The following CSMD1 variants were observed in gnomAD, a reference collection of about 807,000 sequenced individuals.
CSMD1 encodes the protein CUB and sushi domain-containing protein 1.
A neutral mutation model predicts 417.5 loss-of-function variants in CSMD1; 213 were observed. That is an observed-to-expected ratio of 0.51 (90% confidence interval 0.46 to 0.57). CSMD1 has a LOEUF of 0.57. Among genes scored for constraint, CSMD1 ranks in the 20% least tolerant of loss-of-function variants. CSMD1 has a pLI of 0.00. For missense variants in CSMD1, 6,923 were observed against 4,529.7 expected, an observed-to-expected ratio of 1.53 and a Z score of -15.17; for synonymous variants, 2,862 against 1,736.8, an observed-to-expected ratio of 1.65 and a Z score of -16.11.
rs368786498 is a variant in CSMD1 at position 4,201,209 on chromosome 8, G to A, written c.416-169110C>T. Among the ~76,000 whole-genome samples, 55 of 152,216 alleles carry A rather than the reference G, an allele frequency of 3.6e-4. 1 individual carries two copies. In the South Asian group the frequency reaches 0.011, roughly 32 times the overall value. On this transcript the variant is annotated intron_variant, in intron 3 of 69. Coordinates refer to ENST00000635120, the MANE Select transcript of CSMD1 (RefSeq NM_033225.6). ...ATGCAGAGGAGGTGATCCAATACAT[G>A]GCACAAAGAAAATACTGGTGAGTAT...
At chr8:3,775,479 G>C (rs7829156) in intron 5 of CSMD1, among the ~76,000 whole-genome samples, 4 of 152,244 alleles carry the variant, frequency 2.6e-5, no homozygotes, top group African/African-American at 7.2e-5. Context: ...CTCATGAAAA[G>C]GACACGGGGT....
chr8:3,270,340 G>T (rs1251521071), intron 26 of CSMD1, among the ~76,000 whole-genome samples: 1 of 152,130 alleles, frequency 6.6e-6, no homozygotes, highest in African/African-American at 2.4e-5. Context: ...ACAGGCATGA[G>T]CCACTGCACC....
chr8:3,257,036 T>C (rs1800703106), intron 26 of CSMD1, among the ~76,000 whole-genome samples: 1 of 152,228 alleles, frequency 6.6e-6, no homozygotes, highest in Non-Finnish European at 1.5e-5. Context: ...GAAATACTTC[T>C]GAGGGCCAGG....
At chr8:3,971,743 T>C (rs28671018) in intron 5 of CSMD1, among the ~76,000 whole-genome samples, 1 of 152,170 alleles carries the variant, frequency 6.6e-6, no homozygotes, top group East Asian at 1.9e-4. Flanking sequence ...CCAAGGCCGA[T>C]GCATTTTCTT....
chr8:4,958,294 AT>A (rs564182775), intron 1 of CSMD1, among the ~76,000 whole-genome samples: 91 of 151,816 alleles, frequency 6.0e-4, no homozygotes, highest in African/African-American at 1.8e-3. Flanking sequence ...TGACACATCA[AT>A]TTTTTTTTAA....
chr8:2,952,853 T>G (rs768003179), intron 65 of CSMD1, among the ~76,000 whole-genome samples: 4 of 152,152 alleles, frequency 2.6e-5, no homozygotes, highest in African/African-American at 4.8e-5. Flanking sequence ...TGTATTAAAA[T>G]AGGACCACGA....
intron 1 of CSMD1, among the ~76,000 whole-genome samples, chr8:4,936,610 T>C (rs1439714486): frequency 6.6e-6 from 1 of 152,192 alleles, no homozygotes; most frequent in African/African-American, 2.4e-5. Flanking sequence ...GATATATTTG[T>C]CAACACTAAA....
rs1798441192 is a variant in CSMD1 at position 4,441,059 on chromosome 8, AC to A, written c.303-20995del. ...CATCTATTATCATTTTAAAATATAAACTTTTTTCCTAATAATTTGACTCGTT... is the reference window on the plus strand; with the variant it reads ...CATCTATTATCATTTTAAAATATAAATTTTTTCCTAATAATTTGACTCGTT... On this transcript the variant is annotated intron_variant, in intron 2 of 69. Transcript: ENST00000635120. Among the ~76,000 whole-genome samples the A allele has an allele frequency of 5.7e-5, 8 of 139,314 alleles. No individual in the cohort carries two copies. The South Asian group carries it at 1.8e-3, about 32-fold the overall frequency. The allele number at this position is 139,314 out of a possible 152,430, so 91.4% of individuals were successfully genotyped here. A position where few individuals can be genotyped will look rare whatever the true frequency, so the allele number is the denominator to read the frequency against.
At chr8:4,721,284 G>C (rs1040770545) in intron 1 of CSMD1, among the ~76,000 whole-genome samples, 1 of 152,118 alleles carries the variant, frequency 6.6e-6, no homozygotes, top group Admixed American at 6.6e-5. Flanking sequence ...CATATAGAAA[G>C]AAGAAATAAA....
intron 37 of CSMD1, among the ~76,000 whole-genome samples, chr8:3,171,565 T>C (rs895291218): frequency 6.6e-6 from 1 of 152,174 alleles, no homozygotes; most frequent in African/African-American, 2.4e-5. Context: ...TATTCCCTAG[T>C]TACTTACCAT....
chr8:3,566,241 G>C (rs1234468996), intron 10 of CSMD1, among the ~76,000 whole-genome samples: 1 of 152,170 alleles, frequency 6.6e-6, no homozygotes, highest in Non-Finnish European at 1.5e-5. Flanking sequence ...TGAGAAAAAG[G>C]AGGATGAGGA....
chr8:3,345,841 G>A (rs952430651), intron 22 of CSMD1, among the ~76,000 whole-genome samples: 1 of 152,188 alleles, frequency 6.6e-6, no homozygotes, highest in Non-Finnish European at 1.5e-5. Context: ...CAGTTTTACA[G>A]AAACTATACC....
intron 18 of CSMD1, among the ~76,000 whole-genome samples, chr8:3,375,621 G>C (rs779270255): frequency 1.9e-4 from 29 of 151,960 alleles, no homozygotes; most frequent in Non-Finnish European, 3.8e-4. Flanking sequence ...CCACCAAAAG[G>C]AATCTTGTGC....
chr8:4,846,348 T>G (rs560655049), intron 1 of CSMD1, among the ~76,000 whole-genome samples: 2 of 152,352 alleles, frequency 1.3e-5, no homozygotes, highest in Admixed American at 1.3e-4. Flanking sequence ...TATGGGTTTA[T>G]AGATGGGTTT....
intron 2 of CSMD1, among the ~76,000 whole-genome samples, chr8:4,466,232 G>A (rs1339733722): frequency 1.3e-5 from 2 of 152,062 alleles, no homozygotes; most frequent in African/African-American, 2.4e-5. Flanking sequence ...ATCTCTCCTG[G>A]CTATCCTTCC....
intron 37 of CSMD1, among the ~76,000 whole-genome samples, chr8:3,165,814 A>T (rs1820174640): frequency 6.6e-6 from 1 of 152,114 alleles, no homozygotes; most frequent in Admixed American, 6.5e-5. Flanking sequence ...AGAGTGGAGC[A>T]CAGGAGAACT....
chr8:3,534,810 T>A (rs952943582), intron 10 of CSMD1, among the ~76,000 whole-genome samples: 2 of 152,236 alleles, frequency 1.3e-5, no homozygotes, highest in Admixed American at 1.3e-4. Context: ...TCACACAACA[T>A]TTTCTTTGGG....
Position 4,994,871 on chromosome 8 carries a change from CAGA to C in CSMD1, c.-458_-456del, listed in dbSNP as rs890678421. The C allele has an allele frequency of 1.9e-4, 31 of 162,152 alleles. No individual in the cohort carries two copies. The Admixed American group carries it at 2.0e-3, about 10-fold the overall frequency. The allele number at this position is 162,152 out of a possible 1,614,324, so 10.0% of individuals were successfully genotyped here. A position where few individuals can be genotyped will look rare whatever the true frequency, so the allele number is the denominator to read the frequency against. On this transcript the variant is annotated 5_prime_UTR_variant, in exon 1 of 70. Coordinates refer to ENST00000635120, the MANE Select transcript of CSMD1 (RefSeq NM_033225.6). ...GTCTAGAGAGAAAAGGCGGAGAGCG[CAGA>C]AGAAGGGCTGCTAGTGGCACAAGGA...
At chr8:4,437,065 G>A (rs553408054) in intron 2 of CSMD1, among the ~76,000 whole-genome samples, 36 of 152,180 alleles carry the variant, frequency 2.4e-4, no homozygotes, top group African/African-American at 8.7e-4. Flanking sequence ...AATTTAATGG[G>A]ACAGGCTATG....
Sources: gnomAD v4.1 joint callset for allele counts (sites outside exome capture counted in the v4.1 genomes callset) on GRCh38, gnomAD v4.1.1 for gene constraint, MANE v1.5 for transcripts, NCBI Gene and HGNC (gene_info 2026-07-23, HGNC 2026-07-21) for gene names.